The following DTNBP1 variants were observed in gnomAD, a reference collection of about 807,000 sequenced individuals.
DTNBP1 encodes the protein dystrobrevin binding protein 1, also known as dysbindin.
In DTNBP1, 35 loss-of-function variants were observed where a neutral mutation model predicts 42.8. The ratio of observed to expected loss-of-function variants is 0.82; its 90% CI spans 0.63 to 1.09. The LOEUF is 1.09. DTNBP1 is among the 50% of genes least tolerant of loss of function. The pLI, the probability that DTNBP1 is intolerant of heterozygous loss-of-function variation, is 0.00. For missense variants in DTNBP1, 457 were observed against 424.2 expected, an observed-to-expected ratio of 1.08 and a Z score of -0.68; for synonymous variants, 171 against 162.2, an observed-to-expected ratio of 1.05 and a Z score of -0.41.
chr6:15,527,535 GA>G (rs2127790439), intron 8 of DTNBP1, among the ~76,000 whole-genome samples: 1 of 152,158 alleles, frequency 6.6e-6, no homozygotes, highest in East Asian at 1.9e-4. Flanking sequence ...ACCCCTGCAA[GA>G]AATCCATAGC....
At chr6:15,592,919 A>C in intron 7 of DTNBP1, 140 bp downstream of exon 7, 1 of 889,386 alleles carries the variant, frequency 1.1e-6, no homozygotes, top group Non-Finnish European at 1.7e-6. Context: ...GATTAAGCAA[A>C]ACCTACAAAA....
chr6:15,572,759 T>C (rs947705064), intron 7 of DTNBP1, among the ~76,000 whole-genome samples: 2 of 152,154 alleles, frequency 1.3e-5, no homozygotes, highest in Admixed American at 1.3e-4. Context: ...AGAGACAGAG[T>C]CTTGCTCTGT....
At position 15,524,644 on chromosome 6, in the gene DTNBP1, C is replaced by T. The variant is rs1033915803; in HGVS notation, c.693G>A (p.Met231Ile). 6.2e-7 allele frequency: 1 copy of T among 1,613,660 alleles called. No homozygotes were observed. The highest frequency in any genetic ancestry group is 1.3e-5 in the African/African-American group (1 of 75,052). The change falls in exon 9 of 10, where the codon ATG becomes ATA. Residue 231 changes from methionine to isoleucine, a missense_variant. By Grantham distance (10) the Met-to-Ile change is conservative. Coordinates refer to ENST00000344537, the MANE Select transcript of DTNBP1 (RefSeq NM_032122.5). ...GCTCCAGCATGTCCACGTTCACTTC[C>T]ATGGATGACATGCTGCCTATGGGCT... ...RREPIGSMSS[M>I]EVNVDMLEQM...
chr6:15,583,122 A>T (rs1244864091), intron 7 of DTNBP1, among the ~76,000 whole-genome samples: 2 of 152,162 alleles, frequency 1.3e-5, no homozygotes, highest in Non-Finnish European at 2.9e-5. Flanking sequence ...GTAGGGTTAC[A>T]GGTGCATGCC....
intron 6 of DTNBP1, among the ~76,000 whole-genome samples, chr6:15,595,849 G>C (rs1182260409): frequency 6.6e-6 from 1 of 152,186 alleles, no homozygotes; most frequent in Non-Finnish European, 1.5e-5. Context: ...CAGAACAGCA[G>C]GCTGAATGAA....
intron 8 of DTNBP1, among the ~76,000 whole-genome samples, chr6:15,528,604 T>A (rs1004364130): frequency 6.6e-6 from 1 of 152,138 alleles, no homozygotes; most frequent in Admixed American, 6.5e-5. Flanking sequence ...TCCAACAGAT[T>A]AGCAAAAATT....
chr6:15,588,254 G>C (rs953699588), intron 7 of DTNBP1, among the ~76,000 whole-genome samples: 1 of 152,114 alleles, frequency 6.6e-6, no homozygotes, highest in African/African-American at 2.4e-5. Flanking sequence ...AAATCTAATA[G>C]TTTCCCAACT....
chr6:15,553,379 C>T (rs1266812771), intron 7 of DTNBP1, among the ~76,000 whole-genome samples: 8 of 151,494 alleles, frequency 5.3e-5, no homozygotes, highest in African/African-American at 1.7e-4. Context: ...TTATGAAAGA[C>T]GGTACCATAC....
chr6:15,576,907 T>C (rs892449676), intron 7 of DTNBP1, among the ~76,000 whole-genome samples: 7 of 152,060 alleles, frequency 4.6e-5, no homozygotes, highest in African/African-American at 1.7e-4. Context: ...ACGACATGTA[T>C]TGGGTGCTAT....
At chr6:15,540,473 T>A (rs1773491340) in intron 7 of DTNBP1, among the ~76,000 whole-genome samples, 1 of 152,214 alleles carries the variant, frequency 6.6e-6, no homozygotes. Context: ...TGTAGATATA[T>A]AACATAAAAA....
intron 6 of DTNBP1, chr6:15,615,056 A>G (rs773842489): frequency 4.1e-6 from 3 of 730,482 alleles, no homozygotes; most frequent in South Asian, 3.0e-5. Context: ...TTTGGGATTC[A>G]TGTTTTACCT....
intron 3 of DTNBP1, among the ~76,000 whole-genome samples, chr6:15,650,552 G>A (rs956425198): frequency 2.0e-5 from 3 of 152,148 alleles, no homozygotes; most frequent in Non-Finnish European, 4.4e-5. Flanking sequence ...AAAGTGCTGG[G>A]ATTATAGGTA....
chr6:15,599,959 G>A (rs1241943241), intron 6 of DTNBP1, among the ~76,000 whole-genome samples: 2 of 151,940 alleles, frequency 1.3e-5, no homozygotes, highest in Non-Finnish European at 2.9e-5. Flanking sequence ...TCATTTATTA[G>A]CTGTCTGCAG....
intron 7 of DTNBP1, among the ~76,000 whole-genome samples, chr6:15,562,441 CACTT>C (rs1246101668): frequency 6.6e-6 from 1 of 152,094 alleles, no homozygotes; most frequent in Non-Finnish European, 1.5e-5. Context: ...AGAATGGAAA[CACTT>C]AGTAAACATA....
At chr6:15,627,552 T>C in intron 4 of DTNBP1, 77 bp from the exon 5 acceptor site, 6 of 1,587,054 alleles carry the variant, frequency 3.8e-6, no homozygotes, top group South Asian at 1.1e-5. Flanking sequence ...TAATGAGATT[T>C]AATGTTATCT....
intron 7 of DTNBP1, chr6:15,579,859 A>G (rs932420600): frequency 4.4e-6 from 2 of 455,548 alleles, no homozygotes; most frequent in African/African-American, 4.0e-5. Context: ...AATGCAAAGA[A>G]ATGTTTGAGG....
rs528233214 is a variant in DTNBP1, at chr6:15,587,840, A to G, written c.511+5219T>C. Among the ~76,000 whole-genome samples the G allele has an allele frequency of 3.3e-4, 50 of 152,304 alleles. No individual in the cohort carries two copies. The highest frequency in any genetic ancestry group is 1.2e-3 in the African/African-American group (49 of 41,568). On this transcript the variant is annotated intron_variant, in intron 7 of 9. Coordinates refer to ENST00000344537, the MANE Select transcript of DTNBP1 (RefSeq NM_032122.5). This position sits in a 1 kb window ranked among gnomAD's most constrained non-coding sequence, Gnocchi z 4.1. ...ACAGACCTAAATGTAAGAGCTAACT[A>G]GTGTTGTCAAGGATGAGGAGAAACT...
chr6:15,548,095 A>T (rs908387910), intron 7 of DTNBP1, among the ~76,000 whole-genome samples: 3 of 152,228 alleles, frequency 2.0e-5, no homozygotes, highest in African/African-American at 7.2e-5. Context: ...ACAGTATAAC[A>T]AAGCTAATCA....
intron 7 of DTNBP1, among the ~76,000 whole-genome samples, chr6:15,547,773 G>A (rs759069162): frequency 4.6e-5 from 7 of 152,236 alleles, no homozygotes; most frequent in African/African-American, 1.4e-4. Context: ...AAGGAGGCAA[G>A]ATCCCCTGTG....
Sources: gnomAD v4.1 joint callset for allele counts (sites outside exome capture counted in the v4.1 genomes callset) on GRCh38, gnomAD v4.1.1 for gene constraint, Gnocchi (gnomAD v3.1) non-coding constraint, MANE v1.5 for transcripts, NCBI Gene and HGNC (gene_info 2026-07-23, HGNC 2026-07-21) for gene names.